The following CUX1 variants were observed in gnomAD, a reference collection of about 807,000 sequenced individuals.
CUX1 encodes cut like homeobox 1.
Under a neutral mutation model 158.8 loss-of-function variants are expected in CUX1, and 31 were observed. That is an observed-to-expected ratio of 0.20 (90% confidence interval 0.15 to 0.26). The LOEUF (loss-of-function observed/expected upper bound fraction) is 0.26. Ranked by LOEUF, CUX1 falls within the 10% of genes least tolerant of loss-of-function variation. CUX1 has a pLI of 1.00. For missense variants in CUX1, 1,589 were observed against 2,014.6 expected (o/e 0.79, Z 4.04); for synonymous variants, 879 against 862.1 (o/e 1.02, Z -0.34).
At chr7:102,075,321 C>T (rs1826588707) in intron 4 of CUX1, among the ~76,000 whole-genome samples, 1 of 152,210 alleles carries the variant, frequency 6.6e-6, no homozygotes, top group East Asian at 1.9e-4. Flanking sequence ...CTAATCGCCA[C>T]CGACCCCTCT....
intron 2 of CUX1, among the ~76,000 whole-genome samples, chr7:101,953,730 G>A (rs745613470): frequency 7.9e-5 from 12 of 152,138 alleles, no homozygotes; most frequent in South Asian, 2.1e-4. Flanking sequence ...GGACACAGTC[G>A]GGCCTGGCGA....
intron 2 of CUX1, among the ~76,000 whole-genome samples, chr7:101,997,333 T>G (rs1211878017): frequency 6.6e-6 from 1 of 152,016 alleles, no homozygotes; most frequent in African/African-American, 2.4e-5. Flanking sequence ...TGTTTTTTTG[T>G]TTGTTTGTTT....
chr7:101,963,244 A>G (rs1810728383), intron 2 of CUX1, among the ~76,000 whole-genome samples: 1 of 152,018 alleles, frequency 6.6e-6, no homozygotes, highest in Non-Finnish European at 1.5e-5. Flanking sequence ...TCCTCCCTGT[A>G]TTTGGCTCGC....
intron 9 of CUX1, among the ~76,000 whole-genome samples, chr7:102,164,967 G>A (rs1201541919): frequency 1.3e-5 from 2 of 152,096 alleles, no homozygotes; most frequent in Non-Finnish European, 2.9e-5. Flanking sequence ...GACTTCAAAG[G>A]CCACACTCTG....
At chr7:102,262,429 T>TGGATGGATGGATGGATGGATGGATGG (rs1554544083), downstream of CUX1, among the ~76,000 whole-genome samples, 1 of 124,858 alleles carries the variant, frequency 8.0e-6, no homozygotes, top group African/African-American at 2.8e-5. Flanking sequence ...GATGGATGGA[T>TGGATGGATGGATGGATGGATGGATGG]AACTCACAGG....
intron 21 of CUX1, among the ~76,000 whole-genome samples, chr7:102,232,202 C>T (rs782540268): frequency 2.0e-5 from 3 of 151,688 alleles, no homozygotes; most frequent in African/African-American, 4.8e-5. Flanking sequence ...ATGACTAAGC[C>T]AGGCGTGGTG....
intron 1 of CUX1, among the ~76,000 whole-genome samples, chr7:101,892,150 C>T (rs1010847452): frequency 1.3e-5 from 2 of 152,166 alleles, no homozygotes; most frequent in African/African-American, 2.4e-5. Context: ...CACTGACCAG[C>T]GGCAGGCTGA....
In CUX1 at chr7:102,234,196, A is replaced by G. The variant is rs782502247; in HGVS notation, c.3578A>G (p.Asn1193Ser). 3 of 1,590,046 alleles carry G rather than the reference A, an allele frequency of 1.9e-6. No homozygotes were observed. The highest frequency in any genetic ancestry group is 1.1e-5 in the South Asian group (1 of 87,282). The change falls in exon 22 of 24, where the codon AAC becomes AGC. Residue 1193 changes from asparagine (N) to serine (S), a missense_variant. Around this residue, in one of 8 missense-constraint regions of CUX1, gnomAD observed 259 missense variants for 373.8 expected, o/e 0.69. Transcript: ENST00000292535. ...ATGCAGCTGTGGCTGAACGACCCCA[A>G]CAATGTGGAGAAGCTGATGGACATG... ...VRMQLWLNDPNNVEKLMDMKR... is the reference protein window; with the variant it reads ...VRMQLWLNDPSNVEKLMDMKR...
chr7:102,248,552 C>T lies in CUX1; in HGVS notation c.4028C>T (p.Ala1343Val). ...GGCGACAGCTGCGACGGCGTGGAGGCCACTGAGGGCCCAGGCAGCGCCGAC... is the reference window on the plus strand; with the variant it reads ...GGCGACAGCTGCGACGGCGTGGAGGTCACTGAGGGCCCAGGCAGCGCCGAC... The part of the protein sequence containing the change: ...SEGDSCDGVE[A>V]TEGPGSADTE... Residue 1343 changes from alanine (A) to valine (V), a missense_variant, in exon 24 of 24, where the codon GCC (alanine) becomes GTC (valine). Physicochemically the swap from Ala to Val is moderately conservative, Grantham distance 64. Around this residue, in one of 8 missense-constraint regions of CUX1, gnomAD observed 344 missense variants for 323.7 expected, o/e 1.06. Transcript: ENST00000292535. The surrounding 1 kb of genome is among the most constrained non-coding windows in gnomAD (Gnocchi z 5.8). 6.7e-7 allele frequency: 1 copy of T among 1,500,544 alleles called. No individual in the cohort carries two copies. Among genetic ancestry groups the T allele is most frequent in the East Asian group, 2.7e-5 (1 of 37,500 alleles). The allele number at this position is 1,500,544 out of a possible 1,614,324, so 93.0% of individuals were successfully genotyped here. A position where few individuals can be genotyped will look rare whatever the true frequency, so the allele number is the denominator to read the frequency against.
chr7:101,999,150 T>C (rs1816355279), intron 2 of CUX1, among the ~76,000 whole-genome samples: 1 of 151,454 alleles, frequency 6.6e-6, no homozygotes, highest in Non-Finnish European at 1.5e-5. Context: ...GCTGTGCTTC[T>C]AGAAGCAGCA....
chr7:102,145,430 G>T (rs76105280), intron 8 of CUX1, among the ~76,000 whole-genome samples: 1 of 149,340 alleles, frequency 6.7e-6, no homozygotes, highest in African/African-American at 2.5e-5. Flanking sequence ...ATGATCTCGC[G>T]ATGGTGTCAG....
intron 20 of CUX1, chr7:102,280,978 C>A: frequency 3.5e-6 from 3 of 861,034 alleles, no homozygotes; most frequent in Non-Finnish European, 5.6e-6. Context: ...CCAAGAGTGG[C>A]TGTGTGATCT....
chr7:102,282,681 C>A (rs782199162), intron 21 of CUX1: 2 of 1,607,670 alleles, frequency 1.2e-6, no homozygotes, highest in South Asian at 2.2e-5. Context: ...TTGAGGCGAA[C>A]GGGCAGCTCA....
At chr7:102,081,097 A>G (rs1275867967) in intron 4 of CUX1, among the ~76,000 whole-genome samples, 19 of 151,982 alleles carry the variant, frequency 1.3e-4, no homozygotes, top group Admixed American at 1.2e-3. Flanking sequence ...TTCTTCACCT[A>G]TTTACACTCT....
chr7:102,170,591 C>T, intron 10 of CUX1, 41 bp downstream of exon 10: 3 of 1,392,894 alleles, frequency 2.2e-6, no homozygotes, highest in Non-Finnish European at 3.0e-6. Context: ...CCCCGCCTGG[C>T]CTCCGCACCT....
chr7:102,180,694 T>G (rs1792945272), intron 11 of CUX1, among the ~76,000 whole-genome samples: 1 of 150,424 alleles, frequency 6.6e-6, no homozygotes, highest in African/African-American at 2.4e-5. Context: ...ATACCAAGAC[T>G]AAGTTTCCAG....
At chr7:102,232,499 G>T (rs557484207) in intron 21 of CUX1, among the ~76,000 whole-genome samples, 7 of 152,158 alleles carry the variant, frequency 4.6e-5, no homozygotes, top group African/African-American at 1.7e-4. Flanking sequence ...TGCCCCGGAT[G>T]GGGAGAGGTG....
intron 9 of CUX1, among the ~76,000 whole-genome samples, chr7:102,167,745 A>G (rs770685866): frequency 2.6e-5 from 4 of 152,214 alleles, no homozygotes; most frequent in Non-Finnish European, 5.9e-5. Context: ...ATAAACTGGG[A>G]AAAATCTTTT....
intron 2 of CUX1, among the ~76,000 whole-genome samples, chr7:101,967,819 A>T (rs111604590): frequency 5.6e-4 from 85 of 152,312 alleles, no homozygotes; most frequent in Admixed American, 9.8e-4. Flanking sequence ...TGGGGCCAGG[A>T]CGTCTGTAAG....
Sources: allele counts gnomAD v4.1 joint callset (sites outside exome capture counted in the v4.1 genomes callset), GRCh38; gene constraint gnomAD v4.1.1; regional missense constraint gnomAD v4.1.1; non-coding constraint Gnocchi (gnomAD v3.1); transcripts MANE v1.5; gene names NCBI Gene and HGNC (gene_info 2026-07-23, HGNC 2026-07-21).